GOLGA3: variants seen among roughly 807,000 people sequenced by gnomAD.
GOLGA3 encodes the protein golgin A3, also known as golgin subfamily A member 3.
GOLGA3 carries 75 observed loss-of-function variants against 169.4 expected under a neutral mutation model. That is an observed-to-expected ratio of 0.44 (90% confidence interval 0.37 to 0.54). The LOEUF is 0.54. Ranked by LOEUF, GOLGA3 falls within the 20% of genes least tolerant of loss-of-function variation. The pLI, the probability that GOLGA3 is intolerant of heterozygous loss-of-function variation, is 0.00. For synonymous variants in GOLGA3, 824 were observed against 822.4 expected (o/e 1.00, Z -0.03); for missense variants, 1,899 against 1,930.0 (o/e 0.98, Z 0.30).
At chr12:132,773,356 C>T (rs2045012322) in intron 23 of GOLGA3, 62 bp from the exon 24 acceptor site, 1 of 1,082,314 alleles carries the variant, frequency 9.2e-7, no homozygotes, top group Admixed American at 3.3e-5. Flanking sequence ...AACGCGCCAC[C>T]TGTGGACAGC....
In GOLGA3 at chr12:132,808,165, G is replaced by C; in HGVS notation, c.904C>G (p.Leu302Val). The C allele has an allele frequency of 6.2e-7, 1 of 1,612,826 alleles. No homozygotes were observed. Among genetic ancestry groups the C allele is most frequent in the Non-Finnish European group, 8.5e-7 (1 of 1,179,070 alleles). Residue 302 changes from leucine to valine, a missense_variant, in exon 5 of 24, where the codon CTG becomes GTG. Coordinates refer to ENST00000450791, the MANE Select transcript of GOLGA3 (RefSeq NM_001389683.1). Reference protein sequence around the residue: ...DTDDRLENTSLAGDSVSEVDG... With the variant: ...DTDDRLENTSVAGDSVSEVDG... ...ACCTCAGACACGCTGTCTCCAGCCAGGGAGGTGTTCTCCAGACGGTCGTCA... is the reference window on the plus strand; with the variant it reads ...ACCTCAGACACGCTGTCTCCAGCCACGGAGGTGTTCTCCAGACGGTCGTCA...
chr12:132,801,745 G>A (rs1396790964), intron 8 of GOLGA3, 22 bp downstream of exon 8: 1 of 1,602,374 alleles, frequency 6.2e-7, no homozygotes, highest in African/African-American at 1.3e-5. Context: ...GACCTGCCCT[G>A]GAAGGTAGAT....
chr12:132,783,954 G>A, intron 16 of GOLGA3: 2 of 1,442,988 alleles, frequency 1.4e-6, no homozygotes, highest in African/African-American at 1.4e-5. Flanking sequence ...TTCCACCAAA[G>A]AGGCTGTACA....
At chr12:132,810,176 A>G (rs4758940) in intron 4 of GOLGA3, among the ~76,000 whole-genome samples, 16,157 of 152,156 alleles carry the variant, frequency 0.11, 1,735 homozygotes, top group East Asian at 0.46. Context: ...TGAACCCAGG[A>G]GGTGGAGGTC....
rs1297189173 is a variant in GOLGA3, at chr12:132,786,208, G to T, written c.3123+131C>A. ...TCCTGGTAACCTGGAAGATGAGCGG[G>T]AGTTTAGAGAGTTGCCACCTCCCAC... On this transcript the variant is annotated intron_variant, in intron 15 of 23. Coordinates refer to ENST00000450791, the MANE Select transcript of GOLGA3 (RefSeq NM_001389683.1). 4.8e-6 allele frequency: 3 copies of T among 625,102 alleles called. No homozygotes were observed. The African/African-American group carries it at 5.6e-5, about 12-fold the overall frequency. The allele number at this position is 625,102 out of a possible 1,614,324, so 38.7% of individuals were successfully genotyped here.
chr12:132,805,912 A>G (rs1163568531), intron 6 of GOLGA3, among the ~76,000 whole-genome samples: 1 of 151,930 alleles, frequency 6.6e-6, no homozygotes, highest in Non-Finnish European at 1.5e-5. Context: ...TCTGGGGGGA[A>G]ATGGGCAAAA....
intron 12 of GOLGA3, 135 bp from the exon 13 acceptor site, chr12:132,789,425 A>G: frequency 1.4e-6 from 1 of 714,506 alleles, no homozygotes; most frequent in East Asian, 2.7e-5. Flanking sequence ...GATACATTTC[A>G]TCAAATCTAA....
intron 8 of GOLGA3, among the ~76,000 whole-genome samples, chr12:132,801,342 C>T (rs1949117609): frequency 1.3e-5 from 2 of 152,194 alleles, no homozygotes; most frequent in Non-Finnish European, 2.9e-5. Context: ...ACTGGCACCG[C>T]ACGCCTGTGA....
intron 11 of GOLGA3, 109 bp downstream of exon 11, chr12:132,795,743 A>G (rs1593295548): frequency 8.1e-7 from 1 of 1,227,010 alleles, no homozygotes; most frequent in East Asian, 2.3e-5. Context: ...CCTGGGCAAC[A>G]CAGCGAGACT....
intron 20 of GOLGA3, 58 bp downstream of exon 20, chr12:132,776,900 A>AGTC (rs1470505741): frequency 1.3e-6 from 2 of 1,547,270 alleles, no homozygotes; most frequent in African/African-American, 2.7e-5. Flanking sequence ...GATGGAGTGA[A>AGTC]GTCACCCAGG....
chr12:132,820,083 A>T (rs1412970891), intron 2 of GOLGA3, among the ~76,000 whole-genome samples: 1 of 152,134 alleles, frequency 6.6e-6, no homozygotes, highest in Non-Finnish European at 1.5e-5. Context: ...AGGCTGAGGC[A>T]GAAGATCGCT....
chr12:132,786,245 C>T, intron 15 of GOLGA3, 94 bp downstream of exon 15: 2 of 867,398 alleles, frequency 2.3e-6, no homozygotes, highest in Non-Finnish European at 3.6e-6. Context: ...CGAGCTCGGC[C>T]CCGCTAGGCT....
At chr12:132,799,952 G>A (rs1164851347) in intron 8 of GOLGA3, among the ~76,000 whole-genome samples, 1 of 152,106 alleles carries the variant, frequency 6.6e-6, no homozygotes, top group African/African-American at 2.4e-5. Context: ...TGTTGGCCAG[G>A]CTGGTCTTGA....
chr12:132,821,452 A>G (rs1950209848), intron 2 of GOLGA3, among the ~76,000 whole-genome samples: 1 of 151,800 alleles, frequency 6.6e-6, no homozygotes, highest in Admixed American at 6.6e-5. Flanking sequence ...CATGATAAAG[A>G]CCCATAGATC....
intron 11 of GOLGA3, among the ~76,000 whole-genome samples, chr12:132,794,115 G>A (rs938846511): frequency 4.6e-5 from 7 of 152,090 alleles, no homozygotes; most frequent in African/African-American, 9.7e-5. Context: ...GTCCCACAGC[G>A]GCTCCCACAG....
In GOLGA3 at chr12:132,822,054, C is replaced by A. The variant is rs755343593; in HGVS notation, c.75G>T (p.Glu25Asp). The change falls in exon 2 of 24, where the codon GAG (glutamate) becomes GAT (aspartate). Residue 25 changes from glutamate (E) to aspartate (D), a missense_variant. Coordinates refer to ENST00000450791, the MANE Select transcript of GOLGA3 (RefSeq NM_001389683.1). ...RSHSGPSSLP[E>D]APLKPPGPLV... The stretch of plus-strand genomic sequence containing the variant: ...GTGGGCCCGGGGGCTTCAGTGGGGC[C>A]TCGGGGAGAGACGAGGGGCCACTGT... 2 of 1,607,090 alleles carry A rather than the reference C, an allele frequency of 1.2e-6. No homozygotes were observed. Among genetic ancestry groups the A allele is most frequent in the South Asian group, 2.2e-5 (2 of 90,386 alleles).
intron 12 of GOLGA3, among the ~76,000 whole-genome samples, chr12:132,790,258 T>G (rs7296991): frequency 0.63 from 95,749 of 151,980 alleles, 31,285 homozygotes; most frequent in Non-Finnish European, 0.75. Context: ...GGCGTGAACC[T>G]GGGAGGCGGA....
At chr12:132,828,976 A>T (rs1950537213), upstream of GOLGA3, 1 of 152,362 alleles carries the variant, frequency 6.6e-6, no homozygotes, top group Non-Finnish European at 1.5e-5. Context: ...TGGCCACCCT[A>T]GGGCCGGGGA....
In GOLGA3 at chr12:132,798,798, CATCTCTGAGCCCCTGTAGGTGAGGAGG is replaced by C. The variant is rs1216500822; in HGVS notation, c.1801-348_1801-322del. Among the ~76,000 whole-genome samples the C allele has an allele frequency of 9.8e-5, 15 of 152,300 alleles. 1 individual carries two copies. Among genetic ancestry groups the C allele is most frequent in the African/African-American group, 2.2e-4 (9 of 41,552 alleles). ...CTGAGCCCCTGTGGGTGAGGAGGGG[CATCTCTGAGCCCCTGTAGGTGAGGAGG>C]CTTATCTTAACTGAACAAATCCAGC... On this transcript the variant is annotated intron_variant, in intron 8 of 23. Transcript: ENST00000450791.
Sources: gnomAD v4.1 joint callset for allele counts (sites outside exome capture counted in the v4.1 genomes callset) on GRCh38, gnomAD v4.1.1 for gene constraint, MANE v1.5 for transcripts, NCBI Gene and HGNC (gene_info 2026-07-23, HGNC 2026-07-21) for gene names.